SLC12A2: variants seen among roughly 807,000 people sequenced by gnomAD.
SLC12A2 encodes Na-K-2Cl cotransporter 1.
SLC12A2 carries 67 observed loss-of-function variants against 136.3 expected under a neutral mutation model. The ratio of observed to expected loss-of-function variants is 0.49; its 90% confidence interval spans 0.40 to 0.60. The LOEUF is 0.60. SLC12A2 is among the 20% of genes least tolerant of loss of function. The pLI is 0.00. For synonymous variants in SLC12A2, 619 were observed against 562.9 expected (o/e 1.10, Z -1.41); for missense variants, 1,322 against 1,534.7 (o/e 0.86, Z 2.32).
intron 15 of SLC12A2, among the ~76,000 whole-genome samples, chr5:128,153,326 T>TG (rs1762765392): frequency 6.6e-6 from 1 of 152,134 alleles, no homozygotes; most frequent in Non-Finnish European, 1.5e-5. Context: ...ACGCCAAGGC[T>TG]GGGGGATCAG....
At chr5:128,150,482 A>C (rs1185598074) in intron 13 of SLC12A2, among the ~76,000 whole-genome samples, 1 of 151,856 alleles carries the variant, frequency 6.6e-6, no homozygotes, top group African/African-American at 2.4e-5. Flanking sequence ...AGGAATTTTA[A>C]AATTTTAATT....
rs192233116 is a variant in SLC12A2 at position 128,132,256 on chromosome 5, G to A, written c.1188+1050G>A. Among the ~76,000 whole-genome samples the A allele has an allele frequency of 1.1e-3, 167 of 152,188 alleles. 1 individual carries two copies. Among genetic ancestry groups the A allele is most frequent in the African/African-American group, 3.9e-3 (162 of 41,530 alleles). On this transcript the variant is annotated intron_variant, in intron 5 of 26. Transcript: ENST00000262461. ...AGAGACCATTTAGAAGGTTGTAGGTGTCCTGGGAGAGGAGATGGTGGCTTA... is the reference window on the plus strand; with the variant it reads ...AGAGACCATTTAGAAGGTTGTAGGTATCCTGGGAGAGGAGATGGTGGCTTA...
intron 1 of SLC12A2, among the ~76,000 whole-genome samples, chr5:128,109,278 A>G (rs558066796): frequency 1.3e-5 from 2 of 152,236 alleles, no homozygotes; most frequent in Non-Finnish European, 2.9e-5. Flanking sequence ...GGTGACCCTC[A>G]CCTAGGCGTG....
At chr5:128,183,679 C>T (rs2126760693) in intron 24 of SLC12A2, among the ~76,000 whole-genome samples, 1 of 151,910 alleles carries the variant, frequency 6.6e-6, no homozygotes, top group Non-Finnish European at 1.5e-5. Flanking sequence ...TAGTGTCTGC[C>T]CTTTTCCCCT....
chr5:128,157,166 C>T (rs1762893545), intron 15 of SLC12A2, among the ~76,000 whole-genome samples: 1 of 152,178 alleles, frequency 6.6e-6, no homozygotes. Context: ...TTGTAGTCTG[C>T]AATTCACTTT....
intron 4 of SLC12A2, among the ~76,000 whole-genome samples, chr5:128,118,349 AG>A (rs377565036): frequency 6.6e-6 from 1 of 152,362 alleles, no homozygotes; most frequent in African/African-American, 2.4e-5. Flanking sequence ...GAGTGGATAA[AG>A]AAAATGTGGT....
chr5:128,133,656 C>G (rs958158328), intron 5 of SLC12A2, among the ~76,000 whole-genome samples: 3 of 151,810 alleles, frequency 2.0e-5, no homozygotes, highest in African/African-American at 7.3e-5. Context: ...TTAATTTTAT[C>G]CTAGATGGGA....
intron 1 of SLC12A2, among the ~76,000 whole-genome samples, chr5:128,085,523 A>G (rs1004484883): frequency 6.6e-6 from 1 of 152,002 alleles, no homozygotes; most frequent in African/African-American, 2.4e-5. Context: ...TTATGGTCAC[A>G]TAAGACTTAT....
chr5:128,103,500 C>T (rs1424989181), intron 1 of SLC12A2, among the ~76,000 whole-genome samples: 1 of 152,162 alleles, frequency 6.6e-6, no homozygotes, highest in Non-Finnish European at 1.5e-5. Flanking sequence ...ATAAAAATGA[C>T]AGGAAAGGTC....
At chr5:128,085,697 G>A (rs1760077580) in intron 1 of SLC12A2, among the ~76,000 whole-genome samples, 1 of 152,200 alleles carries the variant, frequency 6.6e-6, no homozygotes, top group Non-Finnish European at 1.5e-5. Flanking sequence ...GTACCACATA[G>A]GTTGAAATGA....
At chr5:128,166,894 A>C (rs1300917562) in intron 17 of SLC12A2, among the ~76,000 whole-genome samples, 4 of 152,090 alleles carry the variant, frequency 2.6e-5, no homozygotes, top group Non-Finnish European at 5.9e-5. Flanking sequence ...TGTGTTTAAA[A>C]ATCTTAGATT....
At position 128,171,574 on chromosome 5, in the gene SLC12A2, T is replaced by G. The variant is rs1640280672; in HGVS notation, c.2724-93T>G. The G allele has an allele frequency of 9.1e-6, 7 of 771,894 alleles. No individual in the cohort carries two copies. The South Asian group carries it at 9.8e-5, about 11-fold the overall frequency. 47.8% of individuals were successfully genotyped at this position (771,894 alleles called of 1,614,324 possible). A position where few individuals can be genotyped will look rare whatever the true frequency, so the allele number is the denominator to read the frequency against. ...CAGACGTTTAAAGCCGAAAGTAATT[T>G]TAGAGATCATCTATTATTTATTTTA... On this transcript the variant is annotated intron_variant, in intron 18 of 26. Transcript: ENST00000262461.
At chr5:128,119,626 T>C (rs962413628) in intron 4 of SLC12A2, among the ~76,000 whole-genome samples, 3 of 152,136 alleles carry the variant, frequency 2.0e-5, no homozygotes, top group Admixed American at 1.3e-4. Context: ...TTACTGTAGC[T>C]TTGTAGTATA....
At chr5:128,112,684 AC>A (rs1452368989) in intron 1 of SLC12A2, 129 bp from the exon 2 acceptor site, 1 of 573,688 alleles carries the variant, frequency 1.7e-6, no homozygotes, top group East Asian at 3.2e-5. Flanking sequence ...ATATTTGGAA[AC>A]CCTTGATTCT....
At chr5:128,146,905 A>G (rs1215895440) in intron 10 of SLC12A2, among the ~76,000 whole-genome samples, 1 of 151,684 alleles carries the variant, frequency 6.6e-6, no homozygotes, top group Admixed American at 6.6e-5. Flanking sequence ...GAACCAGTTT[A>G]CTAGAATTAT....
intron 1 of SLC12A2, among the ~76,000 whole-genome samples, chr5:128,101,259 C>T (rs560565238): frequency 6.6e-6 from 1 of 152,070 alleles, no homozygotes; most frequent in African/African-American, 2.4e-5. Context: ...ATTGTTAGAA[C>T]AATTGTTAGA....
rs1260128841 is a variant in SLC12A2 at position 128,186,688 on chromosome 5, C to T, written c.*57C>T. ...GGTACTTCAGTGCCTAGTGTAGTAA[C>T]TGAAATCTTCAATGACACATTAACA... On this transcript the variant is annotated 3_prime_UTR_variant, in exon 27 of 27. Transcript: ENST00000262461. 2.0e-6 allele frequency: 3 copies of T among 1,536,196 alleles called. No individual in the cohort carries two copies. Among genetic ancestry groups the T allele is most frequent in the African/African-American group, 2.7e-5 (2 of 72,980 alleles).
chr5:128,123,308 C>T (rs1174774215), intron 4 of SLC12A2, among the ~76,000 whole-genome samples: 1 of 152,070 alleles, frequency 6.6e-6, no homozygotes, highest in Admixed American at 6.5e-5. Context: ...AGAAAATTTG[C>T]CAAACATTAA....
chr5:128,097,704 T>C (rs1760595501), intron 1 of SLC12A2, among the ~76,000 whole-genome samples: 1 of 152,146 alleles, frequency 6.6e-6, no homozygotes, highest in South Asian at 2.1e-4. Flanking sequence ...TCAGTGCTCT[T>C]GTCATCTAGA....
Sources: allele counts gnomAD v4.1 joint callset (sites outside exome capture counted in the v4.1 genomes callset), GRCh38; gene constraint gnomAD v4.1.1; transcripts MANE v1.5; gene names NCBI Gene and HGNC (gene_info 2026-07-23, HGNC 2026-07-21).